The following ADGRL2 variants were observed in gnomAD, a reference collection of about 807,000 sequenced individuals.
ADGRL2 encodes the protein adhesion G protein-coupled receptor L2.
ADGRL2 carries 44 observed loss-of-function variants against 157.4 expected under a neutral mutation model. The observed-to-expected ratio is 0.28, with a 90% CI of 0.22 to 0.36. The LOEUF (loss-of-function observed/expected upper bound fraction) is 0.36. ADGRL2 is among the 10% of genes least tolerant of loss of function. The pLI, the probability that ADGRL2 is intolerant of heterozygous loss-of-function variation, is 1.00. For synonymous variants in ADGRL2, 585 were observed against 624.7 expected, an observed-to-expected ratio of 0.94 and a Z score of 0.95; for missense variants, 1,510 against 1,768.9, an observed-to-expected ratio of 0.85 and a Z score of 2.63.
intron 1 of ADGRL2, among the ~76,000 whole-genome samples, chr1:81,315,162 A>T (rs144496770): frequency 6.6e-6 from 1 of 152,302 alleles, no homozygotes; most frequent in East Asian, 1.9e-4. Flanking sequence ...TAAATTACGT[A>T]AAGGTCACTG....
chr1:81,788,452 C>G (rs931719884), intron 2 of ADGRL2, among the ~76,000 whole-genome samples: 1 of 152,170 alleles, frequency 6.6e-6, no homozygotes, highest in African/African-American at 2.4e-5. Context: ...TTGCCTTCAC[C>G]ATAATTGTAA....
At chr1:81,720,425 C>T (rs1464797288) in intron 1 of ADGRL2, among the ~76,000 whole-genome samples, 1 of 151,864 alleles carries the variant, frequency 6.6e-6, no homozygotes, top group African/African-American at 2.4e-5. Flanking sequence ...CCTGCCTCGG[C>T]CTCCCAAAGT....
At chr1:81,410,172 T>C (rs1444147589) in intron 1 of ADGRL2, among the ~76,000 whole-genome samples, 2 of 152,210 alleles carry the variant, frequency 1.3e-5, no homozygotes, top group East Asian at 3.9e-4. Context: ...TTTTCTTACA[T>C]TGGGATTTAT....
chr1:81,409,470 G>A (rs1444410252), intron 1 of ADGRL2, among the ~76,000 whole-genome samples: 1 of 152,188 alleles, frequency 6.6e-6, no homozygotes, highest in Non-Finnish European at 1.5e-5. Flanking sequence ...TTTTGGCACA[G>A]AAGATAGTCA....
intron 2 of ADGRL2, among the ~76,000 whole-genome samples, chr1:81,906,501 A>G (rs976655090): frequency 6.6e-6 from 1 of 152,208 alleles, no homozygotes; most frequent in African/African-American, 2.4e-5. Flanking sequence ...TTATTGTGCC[A>G]TAAGCATCTT....
At chr1:81,771,554 A>T (rs1384785668) in intron 2 of ADGRL2, among the ~76,000 whole-genome samples, 1 of 152,204 alleles carries the variant, frequency 6.6e-6, no homozygotes, top group African/African-American at 2.4e-5. Context: ...GAGGAAAAAA[A>T]ATCTCTCTTG....
At chr1:81,463,294 A>G (rs776266372) in intron 2 of ADGRL2, among the ~76,000 whole-genome samples, 1 of 151,952 alleles carries the variant, frequency 6.6e-6, no homozygotes, top group Admixed American at 6.6e-5. Flanking sequence ...CTGAGACTCA[A>G]ATTCTTCCTC....
intron 2 of ADGRL2, among the ~76,000 whole-genome samples, chr1:81,852,401 G>C (rs1385348700): frequency 2.6e-5 from 4 of 152,058 alleles, no homozygotes. Context: ...TTTCGGAAGA[G>C]ATACTTATGA....
At chr1:81,584,930 C>A (rs1024641583) in intron 3 of ADGRL2, among the ~76,000 whole-genome samples, 4 of 152,046 alleles carry the variant, frequency 2.6e-5, no homozygotes, top group African/African-American at 9.7e-5. Flanking sequence ...AAATCCTAAG[C>A]GCTGGCTGAA....
At chr1:81,817,485 TA>T (rs199635165) in intron 1 of ADGRL2, among the ~76,000 whole-genome samples, 3 of 152,050 alleles carry the variant, frequency 2.0e-5, no homozygotes, top group Admixed American at 2.0e-4. Flanking sequence ...CACATTTTTT[TA>T]AAAAATTGAA....
chr1:81,486,467 C>G (rs1162111268), intron 2 of ADGRL2, among the ~76,000 whole-genome samples: 1 of 151,974 alleles, frequency 6.6e-6, no homozygotes, highest in African/African-American at 2.4e-5. Context: ...AAAAAATATA[C>G]ACATACTGAG....
In ADGRL2 at chr1:81,984,133, G is replaced by C. The variant is rs117332953; in HGVS notation, c.3283-450G>C. Among the ~76,000 whole-genome samples the C allele has an allele frequency of 4.5e-4, 69 of 152,088 alleles. No homozygotes were observed. In the East Asian group the frequency reaches 0.013, roughly 28 times the overall value. ...ATCCAGCAAAAGAGGTTTCTGTATT[G>C]ACCTACCTAAGAGGACATGAAGCAT... On this transcript the variant is annotated intron_variant, in intron 19 of 23. Transcript: ENST00000686636.
At chr1:81,428,336 A>T (rs975820595) in intron 1 of ADGRL2, among the ~76,000 whole-genome samples, 4 of 101,778 alleles carry the variant, frequency 3.9e-5, no homozygotes. Flanking sequence ...TCTCAAAATT[A>T]AAAAAAAAAA....
At chr1:81,877,680 T>C (rs980907558) in intron 2 of ADGRL2, among the ~76,000 whole-genome samples, 53 of 140,416 alleles carry the variant, frequency 3.8e-4, no homozygotes, top group African/African-American at 1.4e-3. Context: ...GGGGAGGTTG[T>C]TGTTTGCTTT....
At chr1:81,399,469 A>T (rs1254698836) in intron 1 of ADGRL2, among the ~76,000 whole-genome samples, 1 of 151,892 alleles carries the variant, frequency 6.6e-6, no homozygotes, top group Non-Finnish European at 1.5e-5. Flanking sequence ...TTTCTTCACT[A>T]CTATTCTTTC....
At chr1:81,378,591 C>T (rs756026204) in intron 1 of ADGRL2, among the ~76,000 whole-genome samples, 2 of 149,798 alleles carry the variant, frequency 1.3e-5, no homozygotes, top group East Asian at 3.9e-4. Flanking sequence ...AAAAAAGCCC[C>T]GGTTCAAACT....
chr1:81,379,052 C>G (rs948526102), intron 1 of ADGRL2, among the ~76,000 whole-genome samples: 1 of 152,112 alleles, frequency 6.6e-6, no homozygotes, highest in Non-Finnish European at 1.5e-5. Flanking sequence ...TCATGTTTGC[C>G]AGATTTCTTC....
chr1:81,502,530 A>G (rs2078876431), intron 2 of ADGRL2: 4 of 1,614,056 alleles, frequency 2.5e-6, no homozygotes, highest in Non-Finnish European at 3.4e-6. Flanking sequence ...CTGGACCTGT[A>G]CATGCTGTAT....
intron 2 of ADGRL2, among the ~76,000 whole-genome samples, chr1:81,774,567 T>C (rs924475066): frequency 3.5e-4 from 54 of 152,336 alleles, no homozygotes; most frequent in African/African-American, 1.3e-3. Flanking sequence ...ATTTTTAATA[T>C]GTTCACAAGT....
Sources: allele counts gnomAD v4.1 joint callset (sites outside exome capture counted in the v4.1 genomes callset), GRCh38; gene constraint gnomAD v4.1.1; transcripts MANE v1.5; gene names NCBI Gene and HGNC (gene_info 2026-07-23, HGNC 2026-07-21).